SHMT1: variants seen among roughly 807,000 people sequenced by gnomAD.
The protein encoded by SHMT1 is serine hydroxymethyltransferase 1.
SHMT1 carries 45 observed loss-of-function variants against 49.0 expected under a neutral mutation model. That is an observed-to-expected ratio of 0.92 (90% CI 0.72 to 1.18). The LOEUF (loss-of-function observed/expected upper bound fraction) is 1.18, where lower values mean the gene tolerates loss of function less well. Among genes scored for constraint, SHMT1 ranks in the 50% most tolerant of loss-of-function variants. The pLI, the probability that SHMT1 is intolerant of heterozygous loss-of-function variation, is 0.00. For synonymous variants in SHMT1, 232 were observed against 246.6 expected (o/e 0.94, Z 0.55); for missense variants, 541 against 612.4 (o/e 0.88, Z 1.23).
Position 18,345,801 on chromosome 17 carries a change from C to G in SHMT1, c.519+1695G>C, listed in dbSNP as rs76797025. Among the ~76,000 whole-genome samples the G allele has an allele frequency of 8.0e-4, 121 of 152,132 alleles. 3 individuals are homozygous for G. The East Asian group carries it at 0.022, about 28-fold the overall frequency. ...GTTCAAGCAATTATCCCTCCTCAGC[C>G]TCCTGAGTAGCTGGAACTACGGGTG... On this transcript the variant is annotated intron_variant, in intron 5 of 11. Coordinates refer to ENST00000316694, the MANE Select transcript of SHMT1 (RefSeq NM_004169.5).
intron 3 of SHMT1, among the ~76,000 whole-genome samples, chr17:18,352,179 G>A (rs984221934): frequency 1.4e-5 from 2 of 144,006 alleles, no homozygotes; most frequent in African/African-American, 2.7e-5. Flanking sequence ...ACGGAGGCTC[G>A]CTATCGCCCA....
rs1397629855 is a variant in SHMT1, at chr17:18,330,563, G to A, written c.1163C>T (p.Thr388Ile). The A allele has an allele frequency of 6.2e-7, 1 of 1,604,816 alleles. No individual in the cohort carries two copies. The highest frequency in any genetic ancestry group is 8.5e-7 in the Non-Finnish European group (1 of 1,171,398). ...GCAAGGATGATTCTCACCTGGACAG[G>A]TGTTCTTGTTGCAGGCAATAGAACA... ...EACSIACNKN[T>I]CPGDRSALRP... Residue 388 changes from threonine to isoleucine, a missense_variant, in exon 10 of 12, where the codon ACC (threonine) becomes ATC (isoleucine). By Grantham distance (89) the Thr-to-Ile change is moderately conservative. Coordinates refer to ENST00000316694, the MANE Select transcript of SHMT1 (RefSeq NM_004169.5).
chr17:18,353,720 A>C lies in SHMT1; in HGVS notation c.194T>G (p.Leu65Arg). 1 of 1,614,152 alleles carries C rather than the reference A, an allele frequency of 6.2e-7. No homozygotes were observed. The highest frequency in any genetic ancestry group is 2.2e-5 in the East Asian group (1 of 44,884). Reference sequence around the variant, plus strand: ...GTATTTGTTATTTAAGCAAGAGCCTAGGGCCTCCAAAACTGCTCGGCTGGC... The same window carrying C: ...GTATTTGTTATTTAAGCAAGAGCCTCGGGCCTCCAAAACTGCTCGGCTGGC... ...NFASRAVLEA[L>R]GSCLNNKYSE... is the part of the protein sequence containing the mutation. The change falls in exon 3 of 12, where the codon CTA becomes CGA. Residue 65 changes from leucine (L) to arginine (R), a missense_variant. By Grantham distance (102) the Leu-to-Arg change is moderately radical. Transcript: ENST00000316694.
At position 18,348,246 on chromosome 17, in the gene SHMT1, A is replaced by C. The variant is rs1297538845; in HGVS notation, c.358+79T>G. 4.3e-6 allele frequency: 4 copies of C among 936,654 alleles called. No individual in the cohort carries two copies. In the Admixed American group the frequency reaches 7.8e-5, roughly 18 times the overall value. 58.0% of individuals were successfully genotyped at this position (936,654 alleles called of 1,614,324 possible). On this transcript the variant is annotated intron_variant, in intron 4 of 11. Coordinates refer to ENST00000316694, the MANE Select transcript of SHMT1 (RefSeq NM_004169.5). ...ATGGCAGTCCATGGCAGTCCATCTT[A>C]GGACTCTTCTTGGTGCATGTCGGCC... is the stretch of plus-strand genomic sequence containing the variant.
At chr17:18,355,151 C>CCT (rs1986112332) in intron 2 of SHMT1, among the ~76,000 whole-genome samples, 2 of 145,488 alleles carry the variant, frequency 1.4e-5, no homozygotes, top group African/African-American at 2.6e-5. Context: ...GGGCGGATCA[C>CCT]GAGGTCAGGA....
chr17:18,342,087 CAT>C (rs1179816771), intron 5 of SHMT1, among the ~76,000 whole-genome samples: 9 of 152,154 alleles, frequency 5.9e-5, no homozygotes, highest in Non-Finnish European at 1.3e-4. Context: ...GTCAAAGAGA[CAT>C]GTGCACTCCC....
At position 18,347,581 on chromosome 17, in the gene SHMT1, T is replaced by A. The variant is rs747046160; in HGVS notation, c.434A>T (p.Asp145Val). The A allele has an allele frequency of 3.7e-6, 6 of 1,614,172 alleles. No individual in the cohort carries two copies. The highest frequency in any genetic ancestry group is 1.6e-4 in the Middle Eastern group (1 of 6,062). ...GAACCCATGGGTCAGGTGGCCCCCA[T>A]CCGGAAGGTCCAGGCCCATGATGCG... The part of the protein sequence containing the change: ...HGRIMGLDLP[D>V]GGHLTHGFMT... Residue 145 changes from aspartate to valine, a missense_variant, in exon 5 of 12, where the codon GAT (aspartate) becomes GTT (valine). Physicochemically the swap from Asp to Val is radical, Grantham distance 152. Transcript: ENST00000316694.
intron 9 of SHMT1, 151 bp from the exon 10 acceptor site, chr17:18,330,822 C>T (rs928211909): frequency 5.8e-6 from 4 of 690,402 alleles, no homozygotes; most frequent in Middle Eastern, 2.6e-4. Flanking sequence ...CTAATCCCCA[C>T]GAGAGATGCC....
chr17:18,344,371 A>C (rs1351290339), intron 5 of SHMT1, among the ~76,000 whole-genome samples: 1 of 152,090 alleles, frequency 6.6e-6, no homozygotes, highest in East Asian at 1.9e-4. Flanking sequence ...CCTCCAGTAA[A>C]AATGGACGTA....
At chr17:18,353,934 G>T in intron 2 of SHMT1, 117 bp from the exon 3 acceptor site, 2 of 922,932 alleles carry the variant, frequency 2.2e-6, no homozygotes, top group Admixed American at 1.8e-5. Flanking sequence ...GGAATAGAAT[G>T]AATCCTCCTC....
intron 9 of SHMT1, 120 bp from the exon 10 acceptor site, chr17:18,330,791 CCCA>C (rs1022474201): frequency 6.8e-6 from 5 of 730,094 alleles, no homozygotes; most frequent in African/African-American, 1.7e-5. Context: ...GGTGAGCACC[CCCA>C]CCACATGGCC....
rs1336059811 is a variant in SHMT1 at position 18,359,676 on chromosome 17, A to G, written c.-19-3676T>C. ...CAATAAAAAAAAAAAGGCCAGGTGC[A>G]GTGGTTCACGCCTGTAATCCCAGCA... On this transcript the variant is annotated intron_variant, in intron 1 of 11. Coordinates refer to ENST00000316694, the MANE Select transcript of SHMT1 (RefSeq NM_004169.5). Among the ~76,000 whole-genome samples the G allele has an allele frequency of 2.7e-5, 4 of 150,218 alleles. No individual in the cohort carries two copies. In the East Asian group the frequency reaches 6.0e-4, roughly 22 times the overall value.
At chr17:18,349,770 C>T (rs1435175799) in intron 3 of SHMT1, among the ~76,000 whole-genome samples, 2 of 152,022 alleles carry the variant, frequency 1.3e-5, no homozygotes, top group Non-Finnish European at 2.9e-5. Context: ...TTTGTAATCT[C>T]AGCACTTTGG....
At chr17:18,330,494 C>T (rs1983079910) in intron 10 of SHMT1, 61 bp downstream of exon 10, 1 of 1,211,518 alleles carries the variant, frequency 8.3e-7, no homozygotes, top group Non-Finnish European at 1.2e-6. Flanking sequence ...TCAGCTACAA[C>T]TTTGGCCAGA....
At chr17:18,355,799 C>G (rs1043377550) in intron 2 of SHMT1, 87 bp downstream of exon 2, 1 of 831,278 alleles carries the variant, frequency 1.2e-6, no homozygotes, top group Non-Finnish European at 2.1e-6. Context: ...CATTTCAAGG[C>G]TGTCCCTAAT....
chr17:18,333,491 G>T lies in SHMT1; in HGVS notation c.932-203C>A, dbSNP rs1423175075. ...TTATTTTTATTTTTTTTGAGATGGA[G>T]TTTCACTCTTGTTGCCCAGGCTGGA... On this transcript the variant is annotated intron_variant, in intron 8 of 11. Transcript: ENST00000316694. 1.5e-5 allele frequency: 3 copies of T among 196,596 alleles called. No homozygotes were observed. The East Asian group carries it at 4.1e-4, about 27-fold the overall frequency. 12.2% of individuals were successfully genotyped at this position (196,596 alleles called of 1,614,324 possible). A position where few individuals can be genotyped will look rare whatever the true frequency, so the allele number is the denominator to read the frequency against.
At chr17:18,355,139 G>T (rs568654802) in intron 2 of SHMT1, among the ~76,000 whole-genome samples, 2 of 146,684 alleles carry the variant, frequency 1.4e-5, no homozygotes, top group Non-Finnish European at 3.0e-5. Context: ...GGAGGCTGAG[G>T]TGGGCGGATC....
chr17:18,352,248 G>A (rs970537302), intron 3 of SHMT1, among the ~76,000 whole-genome samples: 2 of 148,532 alleles, frequency 1.3e-5, no homozygotes, highest in African/African-American at 5.0e-5. Context: ...TGGGGTTCAC[G>A]CCATTCTCCT....
rs1367935558 is a variant in SHMT1, at chr17:18,333,241, AAACTT to A, written c.974_978del (p.Lys325IlefsTer14). ...CAGTTGGCCACCACCTGGTGTTGAT[AAACTT>A]TAAATTCCAGAGTCATAGCTTGCTT... is the stretch of plus-strand genomic sequence containing the variant. On this transcript the variant is annotated frameshift_variant, in exon 9 of 12. Transcript: ENST00000316694. LOFTEE classifies it high-confidence loss of function. The A allele has an allele frequency of 2.5e-6, 4 of 1,613,854 alleles. No homozygotes were observed. Among genetic ancestry groups the A allele is most frequent in the Admixed American group, 1.7e-5 (1 of 60,022 alleles).
Sources: allele counts gnomAD v4.1 joint callset (sites outside exome capture counted in the v4.1 genomes callset), GRCh38; gene constraint gnomAD v4.1.1; transcripts MANE v1.5; gene names NCBI Gene and HGNC (gene_info 2026-07-23, HGNC 2026-07-21).